ACTR3C: variants seen among roughly 807,000 people sequenced by gnomAD.
The protein encoded by ACTR3C is actin-related protein 3C.
A neutral mutation model predicts 26.3 loss-of-function variants in ACTR3C; 18 were observed. The ratio of observed to expected loss-of-function variants is 0.68; its 90% CI spans 0.47 to 1.01. The LOEUF is 1.01. Among genes scored for constraint, ACTR3C ranks in the 50% least tolerant of loss-of-function variants. The pLI, the probability that ACTR3C is intolerant of heterozygous loss-of-function variation, is 0.00. For synonymous variants in ACTR3C, 55 were observed against 94.5 expected, an observed-to-expected ratio of 0.58 and a Z score of 2.42; for missense variants, 184 against 250.7, an observed-to-expected ratio of 0.73 and a Z score of 1.80.
chr7:150,169,843 C>T, the ACTR3C span, among the ~76,000 whole-genome samples: 1 of 150,642 alleles, frequency 6.6e-6, no homozygotes, highest in Non-Finnish European at 1.5e-5. Flanking sequence ...TATCTTATTC[C>T]TCCTCCTTCT....
chr7:150,099,617 G>A, the ACTR3C span, among the ~76,000 whole-genome samples: 1 of 151,604 alleles, frequency 6.6e-6, no homozygotes, highest in Non-Finnish European at 1.5e-5. Flanking sequence ...GGGATGGAAG[G>A]AGCTGGGCAG....
the ACTR3C span, among the ~76,000 whole-genome samples, chr7:150,148,377 T>C: frequency 1.3e-5 from 2 of 152,156 alleles, no homozygotes; most frequent in East Asian, 3.9e-4. Flanking sequence ...CTTGGGAGGC[T>C]GAGGCAGGAG....
At chr7:150,264,677 T>C (rs1833894557) in intron 6 of ACTR3C, 1 of 959,810 alleles carries the variant, frequency 1.0e-6, no homozygotes, top group Non-Finnish European at 1.2e-6. Context: ...ACACTCACAG[T>C]TGCAGGTGGT....
the ACTR3C span, among the ~76,000 whole-genome samples, chr7:149,928,199 TTTC>T: frequency 1.7e-5 from 2 of 115,234 alleles, no homozygotes; most frequent in African/African-American, 6.9e-5. Flanking sequence ...CTTTTTTTCT[TTTC>T]TTTTTTTTTT....
chr7:150,286,615 A>G, intron 4 of ACTR3C, 75 bp from the exon 5 acceptor site: 1 of 1,576,988 alleles, frequency 6.3e-7, no homozygotes, highest in South Asian at 1.2e-5. Context: ...AATAACCAGG[A>G]AGCCCATGCA....
the ACTR3C span, among the ~76,000 whole-genome samples, chr7:150,038,999 C>CGGG: frequency 3.3e-4 from 26 of 78,208 alleles, 3 homozygotes; most frequent in African/African-American, 1.5e-3. Context: ...TCCTCAGAGC[C>CGGG]GGGGGGCGGG....
chr7:150,317,593 C>T (rs140309696), intron 1 of ACTR3C, among the ~76,000 whole-genome samples: 10 of 152,164 alleles, frequency 6.6e-5, no homozygotes, highest in African/African-American at 2.4e-4. Context: ...TTGACTAAAC[C>T]ACCAGAACAA....
At chr7:150,100,665 A>G in the ACTR3C span, among the ~76,000 whole-genome samples, 14 of 151,202 alleles carry the variant, frequency 9.3e-5, no homozygotes, top group East Asian at 1.9e-4. Context: ...GCTATCTTAT[A>G]TATATATTTT....
At chr7:150,039,822 T>G in the ACTR3C span, among the ~76,000 whole-genome samples, 4 of 108,402 alleles carry the variant, frequency 3.7e-5, no homozygotes, top group Non-Finnish European at 3.9e-5. Flanking sequence ...TCGCGGGGGG[T>G]GCCTCCGCCC....
At chr7:150,049,400 G>C in the ACTR3C span, among the ~76,000 whole-genome samples, 66 of 152,308 alleles carry the variant, frequency 4.3e-4, 1 homozygote, top group Admixed American at 8.5e-4. Context: ...AACTCCAGAG[G>C]GGGGAACCTG....
chr7:150,226,260 T>A, the ACTR3C span, among the ~76,000 whole-genome samples: 2 of 152,112 alleles, frequency 1.3e-5, no homozygotes, highest in Non-Finnish European at 2.9e-5. Context: ...TTTAGCTTTT[T>A]AGGAAACCAT....
chr7:150,174,123 T>C, the ACTR3C span, among the ~76,000 whole-genome samples: 1 of 139,696 alleles, frequency 7.2e-6, no homozygotes, highest in South Asian at 2.3e-4. Flanking sequence ...AGGTATCTTT[T>C]CAGCAATGCC....
chr7:149,932,634 A>G, the ACTR3C span, among the ~76,000 whole-genome samples: 1 of 151,720 alleles, frequency 6.6e-6, no homozygotes, highest in Non-Finnish European at 1.5e-5. Flanking sequence ...AAAATCATGG[A>G]AATGAGACAG....
chr7:150,016,914 A>G, the ACTR3C span, among the ~76,000 whole-genome samples: 1 of 152,144 alleles, frequency 6.6e-6, no homozygotes, highest in African/African-American at 2.4e-5. Flanking sequence ...TAAGAGAAGT[A>G]AATAAAGTAG....
chr7:150,313,698 T>C (rs893311104), intron 1 of ACTR3C, among the ~76,000 whole-genome samples: 2 of 152,130 alleles, frequency 1.3e-5, no homozygotes, highest in African/African-American at 4.8e-5. Flanking sequence ...ATTCAGATGG[T>C]TGGAGGGCCT....
At chr7:150,051,094 C>T in the ACTR3C span, among the ~76,000 whole-genome samples, 8 of 134,302 alleles carry the variant, frequency 6.0e-5, no homozygotes, top group East Asian at 2.0e-3. Flanking sequence ...CAGAGCACGA[C>T]TCCATCTCTA....
chr7:149,929,327 C>G, the ACTR3C span, among the ~76,000 whole-genome samples: 1 of 144,092 alleles, frequency 6.9e-6, no homozygotes, highest in East Asian at 2.2e-4. Context: ...ACCCATGAGG[C>G]TGAAGCAGGA....
At chr7:150,169,283 T>C in the ACTR3C span, among the ~76,000 whole-genome samples, 2 of 147,880 alleles carry the variant, frequency 1.4e-5, no homozygotes, top group African/African-American at 2.6e-5. Context: ...CTTGGGAGGC[T>C]GAGGCAGGAG....
At chr7:149,886,515 A>G in the ACTR3C span, among the ~76,000 whole-genome samples, 1 of 150,226 alleles carries the variant, frequency 6.7e-6, no homozygotes, top group South Asian at 2.1e-4. Context: ...TGAGAGGGAC[A>G]CTGGCACTCC....
Sources: allele counts gnomAD v4.1 joint callset (sites outside exome capture counted in the v4.1 genomes callset), GRCh38; gene constraint gnomAD v4.1.1; transcripts MANE v1.5; gene names NCBI Gene and HGNC (gene_info 2026-07-23, HGNC 2026-07-21).